NOTCH2: variants seen among roughly 807,000 people sequenced by gnomAD.
NOTCH2 encodes the protein notch receptor 2, also known as neurogenic locus notch homolog protein 2.
A neutral mutation model predicts 235.8 loss-of-function variants in NOTCH2; 29 were observed. That is an observed-to-expected ratio of 0.12 (90% confidence interval 0.09 to 0.17). NOTCH2 has a LOEUF of 0.17. Ranked by LOEUF, NOTCH2 falls within the 10% of genes least tolerant of loss-of-function variation. The probability of loss-of-function intolerance (pLI) is 1.00; values close to 1 mark genes in which losing one functional copy is unlikely to be tolerated. For missense variants in NOTCH2, 2,285 were observed against 3,150.2 expected, an observed-to-expected ratio of 0.73 and a Z score of 6.57; for synonymous variants, 1,086 against 1,141.5, an observed-to-expected ratio of 0.95 and a Z score of 0.98.
rs753822819 is a variant in NOTCH2, at chr1:119,919,410, G to T, written c.5683C>A (p.Arg1895Ser). Reference protein sequence around the residue: ...ARYSRADAAKRLLDAGADANA... With the variant: ...ARYSRADAAKSLLDAGADANA... ...GCATCTGCACCTGCATCCAGGAGAC[G>T]CTTGGCAGCATCAGCCCGTGAGTAG... The change falls in exon 31 of 34, where the codon CGT becomes AGT. Residue 1895 changes from arginine to serine, a missense_variant. Physicochemically the swap from Arg to Ser is moderately radical, Grantham distance 110. Coordinates refer to ENST00000256646, the MANE Select transcript of NOTCH2 (RefSeq NM_024408.4). 3 of 1,613,804 alleles carry T rather than the reference G, an allele frequency of 1.9e-6. No individual in the cohort carries two copies. The highest frequency in any genetic ancestry group is 2.2e-5 in the East Asian group (1 of 44,886).
intron 19 of NOTCH2, among the ~76,000 whole-genome samples, chr1:119,939,357 C>T (rs1649983732): frequency 6.6e-6 from 1 of 152,202 alleles, no homozygotes; most frequent in South Asian, 2.1e-4. Context: ...TCCCAATGCT[C>T]TAGACATGAT....
intron 2 of NOTCH2, among the ~76,000 whole-genome samples, chr1:120,009,394 T>C (rs1653098145): frequency 6.6e-6 from 1 of 151,378 alleles, no homozygotes; most frequent in Admixed American, 6.6e-5. Context: ...TTTAAAATGT[T>C]TTAGAGGGCT....
At chr1:120,000,329 A>T (rs1226101459) in intron 3 of NOTCH2, among the ~76,000 whole-genome samples, 9 of 152,190 alleles carry the variant, frequency 5.9e-5, no homozygotes, top group African/African-American at 2.2e-4. Context: ...AGGTCAGGCG[A>T]TCCAGACCAT....
At chr1:119,949,224 C>G in intron 15 of NOTCH2, 98 bp from the exon 16 acceptor site, 4 of 1,276,404 alleles carry the variant, frequency 3.1e-6, no homozygotes, top group Non-Finnish European at 4.6e-6. Flanking sequence ...GTCAAAAGTC[C>G]TGATTAAGAG....
chr1:120,006,293 C>T (rs1652973467), intron 2 of NOTCH2, among the ~76,000 whole-genome samples: 1 of 152,054 alleles, frequency 6.6e-6, no homozygotes, highest in African/African-American at 2.4e-5. Flanking sequence ...AATAAAAAGG[C>T]ACAAAATATA....
chr1:119,915,766 G>T lies in NOTCH2; in HGVS notation c.6956C>A (p.Ala2319Glu), dbSNP rs373527990. 6.2e-7 allele frequency: 1 copy of T among 1,608,192 alleles called. No individual in the cohort carries two copies. The highest frequency in any genetic ancestry group is 1.7e-5 in the Admixed American group (1 of 59,866). The part of the protein sequence containing the change: ...LIPKGSIAQP[A>E]GAPQPQSTCP... ...GGTGGACTGAGGCTGGGGAGCCCCCGCTGGTTGGGCAATACTGCCTTTAGG... is the reference window on the plus strand; with the variant it reads ...GGTGGACTGAGGCTGGGGAGCCCCCTCTGGTTGGGCAATACTGCCTTTAGG... The change falls in exon 34 of 34, where the codon GCG becomes GAG. Residue 2319 changes from alanine (A) to glutamate (E), a missense_variant. By Grantham distance (107) the Ala-to-Glu change is moderately radical (BLOSUM62 -1). Around this residue, in one of 6 missense-constraint regions of NOTCH2, gnomAD observed 504 missense variants for 538.0 expected, o/e 0.94. Coordinates refer to ENST00000256646, the MANE Select transcript of NOTCH2 (RefSeq NM_024408.4).
chr1:119,930,952 A>T (rs1205803596), intron 22 of NOTCH2, among the ~76,000 whole-genome samples: 1 of 151,094 alleles, frequency 6.6e-6, no homozygotes, highest in African/African-American at 2.4e-5. Flanking sequence ...ACAAAAAAAA[A>T]ATTAGCCAGG....
At chr1:120,065,197 C>T (rs1655458898) in intron 1 of NOTCH2, among the ~76,000 whole-genome samples, 2 of 152,026 alleles carry the variant, frequency 1.3e-5, no homozygotes, top group Non-Finnish European at 2.9e-5. Flanking sequence ...TTGGTTTTTC[C>T]CCAAATGTAA....
rs989762369 is a variant in NOTCH2, at chr1:119,922,867, C to T, written c.4860-89G>A. 8.0e-5 allele frequency: 123 copies of T among 1,534,542 alleles called. No individual in the cohort carries two copies. In the Admixed American group the frequency reaches 1.9e-3, roughly 23 times the overall value. ...AGGCAGAACATGTCATAAAGGGTGA[C>T]AGGAGCCTCCCTTCCTCCCCTTCAG... is the stretch of plus-strand genomic sequence containing the variant. On this transcript the variant is annotated intron_variant, in intron 26 of 33. Transcript: ENST00000256646.
rs782306821 is a variant in NOTCH2, at chr1:119,953,620, G to C, written c.2288C>G (p.Ser763Trp). The change falls in exon 14 of 34, where the codon TCG becomes TGG. Residue 763 changes from serine (S) to tryptophan (W), a missense_variant. By Grantham distance (177) the Ser-to-Trp change is radical. Around this residue, in one of 6 missense-constraint regions of NOTCH2, gnomAD observed 1,173 missense variants for 1,515.3 expected, o/e 0.77. Coordinates refer to ENST00000256646, the MANE Select transcript of NOTCH2 (RefSeq NM_024408.4). ...AGTTCCTCCATTCTGGCATGGATTCGAAAGGCATTCATTTTTGTCCACTTC... is the reference window on the plus strand; with the variant it reads ...AGTTCCTCCATTCTGGCATGGATTCCAAAGGCATTCATTTTTGTCCACTTC... ...NCEVDKNECL[S>W]NPCQNGGTCD... 3 of 1,613,878 alleles carry C rather than the reference G, an allele frequency of 1.9e-6. No individual in the cohort carries two copies. Among genetic ancestry groups the C allele is most frequent in the Non-Finnish European group, 1.7e-6 (2 of 1,179,914 alleles).
chr1:120,043,156 G>A (rs1342326603), intron 1 of NOTCH2, among the ~76,000 whole-genome samples: 1 of 150,558 alleles, frequency 6.6e-6, no homozygotes, highest in Non-Finnish European at 1.5e-5. Flanking sequence ...CTTCTAATAG[G>A]CAGGGATTTT....
chr1:120,003,022 G>A (rs1276195005), intron 3 of NOTCH2, among the ~76,000 whole-genome samples: 3 of 150,754 alleles, frequency 2.0e-5, no homozygotes, highest in Non-Finnish European at 4.4e-5. Flanking sequence ...ACAAAGTATT[G>A]ATCTTGGGTG....
intron 1 of NOTCH2, among the ~76,000 whole-genome samples, chr1:120,045,890 GGT>G (rs1263739378): frequency 1.6e-4 from 24 of 152,382 alleles, no homozygotes; most frequent in African/African-American, 5.1e-4. Flanking sequence ...AAGCAGGGGA[GGT>G]GTAAGACCAT....
chr1:119,953,547 A>G lies in NOTCH2; in HGVS notation c.2361T>C (p.Phe787=), dbSNP rs1553198063. 1 of 1,614,140 alleles carries G rather than the reference A, an allele frequency of 6.2e-7. No individual in the cohort carries two copies. Among genetic ancestry groups the G allele is most frequent in the East Asian group, 2.2e-5 (1 of 44,870 alleles). ...NGYRCTCKKG[F]KGYNCQVNID... ...AAGATGTACTTTTGTTTTCACCTTT[A>G]AAGCCCTTCTTGCAAGTACACCTGT... is the stretch of plus-strand genomic sequence containing the variant. The change falls in exon 14 of 34, where the codon TTT becomes TTC. Residue 787 remains phenylalanine, a synonymous_variant. Coordinates refer to ENST00000256646, the MANE Select transcript of NOTCH2 (RefSeq NM_024408.4).
At chr1:119,968,285 G>A (rs1651223565) in intron 6 of NOTCH2, 53 bp from the exon 7 acceptor site, 8 of 1,580,094 alleles carry the variant, frequency 5.1e-6, no homozygotes, top group Non-Finnish European at 6.9e-6. Flanking sequence ...CTCACTTGGG[G>A]AAGAGCTTTC....
intron 19 of NOTCH2, among the ~76,000 whole-genome samples, chr1:119,938,248 T>C (rs587660565): frequency 6.6e-6 from 1 of 152,230 alleles, no homozygotes; most frequent in South Asian, 2.1e-4. Context: ...ACTGTGACTT[T>C]AAGGACAACG....
At chr1:119,940,850 GCAAA>G in intron 18 of NOTCH2, 94 bp from the exon 19 acceptor site, 16 of 1,152,884 alleles carry the variant, frequency 1.4e-5, no homozygotes, top group Non-Finnish European at 2.1e-5. Context: ...TCATACAGAG[GCAAA>G]TACCTCTGAG....
chr1:120,012,110 G>T (rs1196866736), intron 2 of NOTCH2, among the ~76,000 whole-genome samples: 1 of 129,758 alleles, frequency 7.7e-6, no homozygotes, highest in Non-Finnish European at 1.6e-5. Flanking sequence ...TCAACACTAG[G>T]CTATCCTGCC....
At chr1:120,003,335 C>T (rs1285546206) in intron 3 of NOTCH2, among the ~76,000 whole-genome samples, 1 of 151,100 alleles carries the variant, frequency 6.6e-6, no homozygotes, top group Non-Finnish European at 1.5e-5. Flanking sequence ...TGAATTAATA[C>T]TTAACAAACT....
Sources: allele counts gnomAD v4.1 joint callset (sites outside exome capture counted in the v4.1 genomes callset), GRCh38; gene constraint gnomAD v4.1.1; regional missense constraint gnomAD v4.1.1; transcripts MANE v1.5; gene names NCBI Gene and HGNC (gene_info 2026-07-23, HGNC 2026-07-21).